Variants in NR3C1 observed in about 807,000 individuals in gnomAD.
The protein encoded by NR3C1 is glucocorticoid receptor.
In NR3C1, 14 loss-of-function variants were observed where a neutral mutation model predicts 74.0. The ratio of observed to expected loss-of-function variants is 0.19; its 90% CI spans 0.12 to 0.30. The LOEUF (loss-of-function observed/expected upper bound fraction) is 0.30, where lower values mean the gene tolerates loss of function less well. Ranked by LOEUF, NR3C1 falls within the 10% of genes least tolerant of loss-of-function variation. The pLI is 1.00. For missense variants in NR3C1, 695 were observed against 909.8 expected (o/e 0.76, Z 3.04); for synonymous variants, 308 against 332.5 (o/e 0.93, Z 0.80).
At chr5:143,310,277 C>A in intron 3 of NR3C1, 64 bp from the exon 4 acceptor site, 2 of 1,168,772 alleles carry the variant, frequency 1.7e-6, no homozygotes, top group Non-Finnish European at 2.5e-6. Flanking sequence ...ATAAGGACAG[C>A]CTCTGTCTTT....
intron 2 of NR3C1, among the ~76,000 whole-genome samples, chr5:143,391,625 G>A (rs1838237521): frequency 6.6e-6 from 1 of 151,984 alleles, no homozygotes; most frequent in South Asian, 2.1e-4. Flanking sequence ...TTATGTAGAT[G>A]GCATACTTAA....
upstream of NR3C1, chr5:143,404,315 A>T (rs990812257): frequency 1.0e-6 from 1 of 985,480 alleles, no homozygotes; most frequent in African/African-American, 1.7e-5. Flanking sequence ...GGGCGGCCTG[A>T]CACGCCCTCT....
At chr5:143,357,458 C>T (rs191413931) in intron 2 of NR3C1, among the ~76,000 whole-genome samples, 44 of 152,266 alleles carry the variant, frequency 2.9e-4, no homozygotes, top group Non-Finnish European at 5.7e-4. Flanking sequence ...ACACGTTTTA[C>T]CTAATAAGTG....
At chr5:143,401,716 G>T (rs1840319320) in intron 1 of NR3C1, among the ~76,000 whole-genome samples, 1 of 152,200 alleles carries the variant, frequency 6.6e-6, no homozygotes, top group South Asian at 2.1e-4. Flanking sequence ...TCCTCAATAT[G>T]AAATGCTATT....
intron 3 of NR3C1, among the ~76,000 whole-genome samples, chr5:143,312,563 T>C (rs1490907336): frequency 6.6e-6 from 1 of 152,136 alleles, no homozygotes; most frequent in Non-Finnish European, 1.5e-5. Flanking sequence ...TATGCCAATT[T>C]TGAGGGATAA....
rs1813118702 is a variant in NR3C1 at position 143,281,647 on chromosome 5, A to C, written c.*242T>G. The C allele has an allele frequency of 2.2e-6, 1 of 457,172 alleles. No homozygotes were observed. Among genetic ancestry groups the C allele is most frequent in the Non-Finnish European group, 4.0e-6 (1 of 251,114 alleles). 28.3% of individuals were successfully genotyped at this position (457,172 alleles called of 1,614,324 possible). A position where few individuals can be genotyped will look rare whatever the true frequency, so the allele number is the denominator to read the frequency against. The stretch of plus-strand genomic sequence containing the variant: ...CATATTAAGGTTTCTAATTTCTGGG[A>C]TATATTAACTAATAAATTTCACCAT... On this transcript the variant is annotated 3_prime_UTR_variant, in exon 9 of 9. Transcript: ENST00000394464.
At chr5:143,371,861 A>C (rs1016630105) in intron 2 of NR3C1, among the ~76,000 whole-genome samples, 4 of 152,138 alleles carry the variant, frequency 2.6e-5, no homozygotes, top group African/African-American at 9.7e-5. Flanking sequence ...TTTCTCAAAC[A>C]ACTGTTTACC....
intron 1 of NR3C1, among the ~76,000 whole-genome samples, chr5:143,416,986 G>T (rs757798182): frequency 6.6e-6 from 1 of 151,824 alleles, no homozygotes; most frequent in African/African-American, 2.4e-5. Context: ...TCTATTTTAG[G>T]CTGTGTTTAA....
intron 1 of NR3C1, among the ~76,000 whole-genome samples, chr5:143,414,808 A>G (rs1351820261): frequency 6.6e-6 from 1 of 152,222 alleles, no homozygotes; most frequent in Non-Finnish European, 1.5e-5. Context: ...GCTTGATGCT[A>G]TATTAGTACA....
intron 1 of NR3C1, among the ~76,000 whole-genome samples, chr5:143,420,707 C>A (rs1176468339): frequency 6.6e-6 from 1 of 152,068 alleles, no homozygotes; most frequent in Non-Finnish European, 1.5e-5. Context: ...CACAGCCCCC[C>A]ACAACAAAGA....
intron 3 of NR3C1, among the ~76,000 whole-genome samples, chr5:143,310,841 A>G (rs1820774928): frequency 6.6e-6 from 1 of 152,120 alleles, no homozygotes; most frequent in Admixed American, 6.5e-5. Context: ...TATTTTTAGT[A>G]GAGACAGGGT....
intron 1 of NR3C1, among the ~76,000 whole-genome samples, chr5:143,433,424 A>ATATATATATAATTTATTTATTTAAAT (rs1751941602): frequency 2.2e-5 from 3 of 135,944 alleles, no homozygotes; most frequent in East Asian, 4.5e-4. Flanking sequence ...TATTTAAATT[A>ATATATATATAATTTATTTATTTAAAT]TATATATATA....
At position 143,281,284 on chromosome 5, in the gene NR3C1, T is replaced by TAAAC. The variant is rs989874753; in HGVS notation, c.*601_*604dup. The stretch of plus-strand genomic sequence containing the variant: ...AAAGCTACGAACTAGCTGCCCATCT[T>TAAAC]AAACAGCTGTACAATAACTTGAATA... On this transcript the variant is annotated 3_prime_UTR_variant, in exon 9 of 9. Transcript: ENST00000394464. The TAAAC allele has an allele frequency of 1.3e-5, 2 of 152,968 alleles. No homozygotes were observed. Among genetic ancestry groups the TAAAC allele is most frequent in the East Asian group, 1.9e-4 (1 of 5,202 alleles). The allele number at this position is 152,968 out of a possible 1,614,324, so 9.5% of individuals were successfully genotyped here. A position where few individuals can be genotyped will look rare whatever the true frequency, so the allele number is the denominator to read the frequency against.
chr5:143,411,014 AAAAT>A (rs1166278701), intron 1 of NR3C1, among the ~76,000 whole-genome samples: 1 of 152,214 alleles, frequency 6.6e-6, no homozygotes, highest in East Asian at 1.9e-4. Context: ...TTTAACAACA[AAAAT>A]AAATGCTGAA....
At chr5:143,409,874 C>T (rs994882604) in intron 1 of NR3C1, among the ~76,000 whole-genome samples, 15 of 152,214 alleles carry the variant, frequency 9.9e-5, no homozygotes, top group African/African-American at 3.4e-4. Flanking sequence ...ATGATGCTTT[C>T]AATGATTTCA....
intron 1 of NR3C1, among the ~76,000 whole-genome samples, chr5:143,419,573 G>A (rs113308517): frequency 0.013 from 1,920 of 152,242 alleles, 21 homozygotes; most frequent in African/African-American, 0.025. Flanking sequence ...GGTAGGTTCC[G>A]TGATGCCCCA....
chr5:143,417,581 A>G (rs1250087285), intron 1 of NR3C1, among the ~76,000 whole-genome samples: 1 of 152,148 alleles, frequency 6.6e-6, no homozygotes, highest in Non-Finnish European at 1.5e-5. Context: ...TTCTCTGTAA[A>G]GCATTTAGCA....
chr5:143,355,819 T>A (rs145133472), intron 2 of NR3C1, among the ~76,000 whole-genome samples: 32 of 152,180 alleles, frequency 2.1e-4, no homozygotes, highest in African/African-American at 6.3e-4. Context: ...TAATAATTAG[T>A]ACAGTTGTGC....
chr5:143,416,641 A>C (rs1841485533), intron 1 of NR3C1, among the ~76,000 whole-genome samples: 1 of 152,114 alleles, frequency 6.6e-6, no homozygotes, highest in Non-Finnish European at 1.5e-5. Context: ...TTGCATCAGA[A>C]AGGGTCCTGA....
Sources: allele counts gnomAD v4.1 joint callset (sites outside exome capture counted in the v4.1 genomes callset), GRCh38; gene constraint gnomAD v4.1.1; transcripts MANE v1.5; gene names NCBI Gene and HGNC (gene_info 2026-07-23, HGNC 2026-07-21).